DLG2: variants seen among roughly 807,000 people sequenced by gnomAD.
DLG2 encodes the protein discs large MAGUK scaffold protein 2, also known as disks large homolog 2.
In DLG2, 45 loss-of-function variants were observed where a neutral mutation model predicts 132.5. The ratio of observed to expected loss-of-function variants is 0.34; its 90% CI spans 0.27 to 0.44. DLG2 has a LOEUF of 0.44. DLG2 is among the 20% of genes least tolerant of loss of function. The pLI is 1.00. For synonymous variants in DLG2, 424 were observed against 419.6 expected (o/e 1.01, Z -0.13); for missense variants, 1,045 against 1,196.9 (o/e 0.87, Z 1.87).
intron 10 of DLG2, among the ~76,000 whole-genome samples, chr11:84,086,595 T>A (rs1263022722): frequency 6.6e-6 from 1 of 151,402 alleles, no homozygotes; most frequent in Non-Finnish European, 1.5e-5. Flanking sequence ...GCTCAAGCGA[T>A]CCTCCCACCT....
At chr11:84,217,300 G>A (rs1033883843) in intron 8 of DLG2, among the ~76,000 whole-genome samples, 2 of 152,124 alleles carry the variant, frequency 1.3e-5, no homozygotes, top group Non-Finnish European at 2.9e-5. Context: ...GTGACTTGGC[G>A]GGAAGTAATT....
intron 3 of DLG2, among the ~76,000 whole-genome samples, chr11:85,361,743 C>A (rs1412855161): frequency 6.6e-6 from 1 of 152,166 alleles, no homozygotes. Flanking sequence ...TGTGATGCCT[C>A]CAACTTTGAT....
Position 84,100,368 on chromosome 11 carries a change from A to G in DLG2, c.625-1321T>C, listed in dbSNP as rs554165806. ...TCTTTCTAAAATTTGTATGTAAGGC[A>G]TAATTAAAAGTCCCCCCAAATCCAC... On this transcript the variant is annotated intron_variant, in intron 9 of 27. Transcript: ENST00000376104. Among the ~76,000 whole-genome samples, 623 of 149,584 alleles carry G rather than the reference A, an allele frequency of 4.2e-3. 2 individuals carry two copies. Among genetic ancestry groups the G allele is most frequent in the Admixed American group, 7.8e-3 (116 of 14,814 alleles).
At chr11:84,403,028 GTGGTATAAAGTGTTCTC>G (rs2098836178) in intron 7 of DLG2, among the ~76,000 whole-genome samples, 1 of 151,900 alleles carries the variant, frequency 6.6e-6, no homozygotes, top group African/African-American at 2.4e-5. Flanking sequence ...AGAGGATGGA[GTGGTATAAAGTGTTCTC>G]AGACTGTGTT....
At chr11:83,495,161 A>G (rs1043453739) in intron 21 of DLG2, among the ~76,000 whole-genome samples, 1 of 152,096 alleles carries the variant, frequency 6.6e-6, no homozygotes, top group African/African-American at 2.4e-5. Flanking sequence ...TGTGTCATCT[A>G]ATTATGACAG....
chr11:83,787,312 G>GTATTT (rs2040216504), intron 17 of DLG2, among the ~76,000 whole-genome samples: 1 of 69,616 alleles, frequency 1.4e-5, no homozygotes, highest in African/African-American at 7.2e-5. Context: ...CTTAAGCCTT[G>GTATTT]TTTTTTTTTT....
chr11:84,667,491 G>GTTTTTTTT (rs1275372814), intron 6 of DLG2, among the ~76,000 whole-genome samples: 32 of 35,286 alleles, frequency 9.1e-4, no homozygotes, highest in South Asian at 1.6e-3. Flanking sequence ...TTTGTTTTTT[G>GTTTTTTTT]TTTTTTGTTT....
intron 8 of DLG2, among the ~76,000 whole-genome samples, chr11:84,212,110 C>T (rs908603534): frequency 3.9e-5 from 6 of 152,298 alleles, no homozygotes; most frequent in South Asian, 2.1e-4. Context: ...AGTAATCTAT[C>T]TGTAGAAAAT....
chr11:84,663,245 A>G (rs370892526), intron 6 of DLG2, among the ~76,000 whole-genome samples: 1 of 59,352 alleles, frequency 1.7e-5, no homozygotes, highest in African/African-American at 6.4e-5. Context: ...ATATATATAT[A>G]TATATTTTTT....
intron 7 of DLG2, chr11:84,317,229 TAA>T (rs2154395399): frequency 2.0e-6 from 3 of 1,518,364 alleles, no homozygotes; most frequent in Non-Finnish European, 2.6e-6. Flanking sequence ...CAGCCAGTTG[TAA>T]AAGTCTTTTT....
In DLG2 at chr11:85,321,327, G is replaced by C. The variant is rs190063808; in HGVS notation, c.41-35962C>G. Among the ~76,000 whole-genome samples, 21 of 152,086 alleles carry C rather than the reference G, an allele frequency of 1.4e-4. 1 individual carries two copies. The highest frequency in any genetic ancestry group is 4.1e-4 in the African/African-American group (17 of 41,560). ...TTAGTATTGGCTATTATAAACCTGA[G>C]ATGCTTGTAAGGTATTCCAAGGTGA... On this transcript the variant is annotated intron_variant, in intron 3 of 27. Transcript: ENST00000376104.
At chr11:83,972,326 T>C (rs183224105) in intron 12 of DLG2, among the ~76,000 whole-genome samples, 4 of 152,266 alleles carry the variant, frequency 2.6e-5, no homozygotes, top group Admixed American at 6.5e-5. Flanking sequence ...ATTATACTTA[T>C]TTGTAGATTT....
chr11:85,152,283 C>T (rs1466396816), intron 5 of DLG2, among the ~76,000 whole-genome samples: 1 of 151,540 alleles, frequency 6.6e-6, no homozygotes, highest in African/African-American at 2.4e-5. Flanking sequence ...CCCTGTCACC[C>T]ATGCTGGAGT....
intron 10 of DLG2, among the ~76,000 whole-genome samples, chr11:84,090,345 C>T (rs1032388079): frequency 5.9e-5 from 8 of 135,300 alleles, no homozygotes; most frequent in East Asian, 4.8e-4. Flanking sequence ...ACCCAGGAGG[C>T]GGAGGTTGCA....
At chr11:84,250,294 G>T (rs1213824451) in intron 8 of DLG2, among the ~76,000 whole-genome samples, 1 of 152,152 alleles carries the variant, frequency 6.6e-6, no homozygotes, top group African/African-American at 2.4e-5. Flanking sequence ...TGCTCCATTT[G>T]TTTCTGTGAT....
At chr11:84,303,599 G>A (rs77308648) in intron 7 of DLG2, among the ~76,000 whole-genome samples, 13,745 of 152,132 alleles carry the variant, frequency 0.09, 678 homozygotes, top group Non-Finnish European at 0.1. Context: ...ATTTTTGTCC[G>A]ATTTCCTCTC....
rs556390119 is a variant in DLG2 at position 85,616,748 on chromosome 11, G to A, written c.-93+9839C>T. On this transcript the variant is annotated intron_variant, in intron 2 of 27. Coordinates refer to ENST00000376104, the MANE Select transcript of DLG2 (RefSeq NM_001142699.3). ...CATAAAAAAGTCTTTGGATCTCAAG[G>A]GATCAGGGATCTAGGCTCTTGTTAT... Among the ~76,000 whole-genome samples the A allele has an allele frequency of 7.9e-5, 12 of 152,246 alleles. 1 individual carries two copies. In the South Asian group the frequency reaches 2.3e-3, roughly 29 times the overall value.
intron 7 of DLG2, among the ~76,000 whole-genome samples, chr11:84,298,473 C>T (rs1387908889): frequency 6.6e-6 from 1 of 152,172 alleles, no homozygotes; most frequent in Non-Finnish European, 1.5e-5. Flanking sequence ...AAATATAACA[C>T]TGTTCCACCT....
chr11:84,354,253 G>A (rs1044983133), intron 7 of DLG2, among the ~76,000 whole-genome samples: 4 of 152,062 alleles, frequency 2.6e-5, no homozygotes, highest in African/African-American at 9.7e-5. Flanking sequence ...TCAACTCTGG[G>A]TTAAACTACT....
Sources: allele counts gnomAD v4.1 joint callset (sites outside exome capture counted in the v4.1 genomes callset), GRCh38; gene constraint gnomAD v4.1.1; transcripts MANE v1.5; gene names NCBI Gene and HGNC (gene_info 2026-07-23, HGNC 2026-07-21).